The following DNAH14 variants were observed in gnomAD, a reference collection of about 807,000 sequenced individuals.
DNAH14 encodes the protein axonemal beta dynein heavy chain 14.
In DNAH14, 478 loss-of-function variants were observed where a neutral mutation model predicts 520.9. The observed-to-expected ratio is 0.92, with a 90% CI of 0.85 to 0.99. DNAH14 has a LOEUF of 0.99. Ranked by LOEUF, DNAH14 falls within the 50% of genes least tolerant of loss-of-function variation. The probability of loss-of-function intolerance (pLI) is 0.00; values close to 1 mark genes in which losing one functional copy is unlikely to be tolerated. For synonymous variants in DNAH14, 1,581 were observed against 1,757.2 expected (o/e 0.90, Z 2.51); for missense variants, 4,831 against 5,234.5 (o/e 0.92, Z 2.38).
At chr1:225,197,058 ATTTATC>A (rs1165284204) in intron 38 of DNAH14, among the ~76,000 whole-genome samples, 1 of 152,066 alleles carries the variant, frequency 6.6e-6, no homozygotes, top group African/African-American at 2.4e-5. Context: ...AGTCCCAGCT[ATTTATC>A]TTTGTTTTTG....
intron 71 of DNAH14, among the ~76,000 whole-genome samples, chr1:225,350,682 C>T (rs1462472778): frequency 6.6e-6 from 1 of 151,528 alleles, no homozygotes; most frequent in Non-Finnish European, 1.5e-5. Flanking sequence ...TGTAGTCTAC[C>T]GAGACTGAAT....
chr1:225,200,915 G>T (rs1485609563), intron 38 of DNAH14, among the ~76,000 whole-genome samples: 1 of 151,922 alleles, frequency 6.6e-6, no homozygotes, highest in Non-Finnish European at 1.5e-5. Flanking sequence ...TAGTAAGGCT[G>T]GTGAAGTTTT....
intron 43 of DNAH14, 99 bp downstream of exon 43, chr1:225,240,921 AAGATTG>A: frequency 1.1e-6 from 1 of 933,922 alleles, no homozygotes; most frequent in African/African-American, 1.7e-5. Context: ...TTAAAATGTT[AAGATTG>A]AAGGAAAAAG....
At chr1:225,295,862 A>G (rs1167231582) in intron 55 of DNAH14, among the ~76,000 whole-genome samples, 1 of 152,122 alleles carries the variant, frequency 6.6e-6, no homozygotes, top group African/African-American at 2.4e-5. Context: ...CCCAACTATT[A>G]TTGTATTGGG....
chr1:224,948,437 A>G (rs2059979828), intron 1 of DNAH14, among the ~76,000 whole-genome samples: 1 of 151,520 alleles, frequency 6.6e-6, no homozygotes, highest in Admixed American at 6.6e-5. Flanking sequence ...TCTTTCCTGT[A>G]CTTGCATCCT....
chr1:225,080,166 A>G (rs2072948105), intron 18 of DNAH14, among the ~76,000 whole-genome samples: 2 of 152,220 alleles, frequency 1.3e-5, no homozygotes, highest in Admixed American at 1.3e-4. Context: ...GAGACTGCCA[A>G]ATGGGCTCAT....
At chr1:225,363,954 T>G (rs1258987808) in intron 75 of DNAH14, among the ~76,000 whole-genome samples, 1 of 152,186 alleles carries the variant, frequency 6.6e-6, no homozygotes, top group Non-Finnish European at 1.5e-5. Context: ...ATATTTTCAA[T>G]GTGAGGCTGG....
At chr1:225,127,198 G>A (rs1231333785) in intron 27 of DNAH14, among the ~76,000 whole-genome samples, 2 of 152,118 alleles carry the variant, frequency 1.3e-5, no homozygotes, top group Non-Finnish European at 2.9e-5. Context: ...ATTTGGGGTG[G>A]AGAGTTCTGT....
At chr1:225,257,045 G>A (rs901976769) in intron 44 of DNAH14, among the ~76,000 whole-genome samples, 23 of 152,140 alleles carry the variant, frequency 1.5e-4, no homozygotes, top group African/African-American at 5.1e-4. Flanking sequence ...AGACCCCCAG[G>A]CACTTGTAAC....
At chr1:225,126,746 C>T in intron 27 of DNAH14, among the ~76,000 whole-genome samples, 1 of 152,114 alleles carries the variant, frequency 6.6e-6, no homozygotes, top group East Asian at 1.9e-4. Context: ...TTCCCTTCTG[C>T]AAGCTTTTGA....
In DNAH14 at chr1:225,392,362, C is replaced by A. The variant is rs1182907564; in HGVS notation, c.13402C>A (p.His4468Asn). 5 of 1,552,228 alleles carry A rather than the reference C, an allele frequency of 3.2e-6. No individual in the cohort carries two copies. Among genetic ancestry groups the A allele is most frequent in the Non-Finnish European group, 4.4e-6 (5 of 1,147,150 alleles). Residue 4468 changes from histidine (H) to asparagine (N), a missense_variant, in exon 84 of 86, where the codon CAC becomes AAC. His to Asn is a moderately conservative substitution (Grantham distance 68). Coordinates refer to ENST00000682510, the MANE Select transcript of DNAH14 (RefSeq NM_001367479.1). ...GIAVDALTFT[H>N]HVISNTTDKD... ...CGCTGTGGATGCCCTCACCTTCACCCACCATGTGATTTCCAACACCACTGA... is the reference window on the plus strand; with the variant it reads ...CGCTGTGGATGCCCTCACCTTCACCAACCATGTGATTTCCAACACCACTGA...
intron 8 of DNAH14, among the ~76,000 whole-genome samples, chr1:224,975,356 T>C (rs1207578853): frequency 2.0e-5 from 3 of 151,478 alleles, no homozygotes; most frequent in Admixed American, 1.3e-4. Context: ...CATCTGGTCC[T>C]GGACTCTTTT....
Position 225,398,674 on chromosome 1 carries a change from C to T in DNAH14, c.13638+8C>T. On this transcript the variant is annotated splice_region_variant and intron_variant, in intron 85 of 85. Transcript: ENST00000682510. ...TACTTTTTGCCAACAAAGGTAATCA[C>T]CCTGCTATTATCCTGAAGTCCTAAA... The T allele has an allele frequency of 6.4e-7, 1 of 1,551,490 alleles. No homozygotes were observed. The highest frequency in any genetic ancestry group is 8.7e-7 in the Non-Finnish European group (1 of 1,146,792).
At chr1:225,108,871 C>T (rs1200582204) in intron 23 of DNAH14, among the ~76,000 whole-genome samples, 1 of 152,112 alleles carries the variant, frequency 6.6e-6, no homozygotes, top group African/African-American at 2.4e-5. Context: ...GTGTGAAATC[C>T]ATTTTAATTT....
intron 1 of DNAH14, among the ~76,000 whole-genome samples, chr1:224,949,017 T>C (rs1398252833): frequency 2.0e-5 from 3 of 152,240 alleles, no homozygotes; most frequent in East Asian, 3.8e-4. Flanking sequence ...CTTGGGATCA[T>C]AGTACTTCTT....
intron 52 of DNAH14, 34 bp downstream of exon 52, chr1:225,273,159 G>A (rs1326829735): frequency 1.3e-6 from 2 of 1,527,888 alleles, no homozygotes; most frequent in South Asian, 2.5e-5. Flanking sequence ...TTGGCCGGGT[G>A]TGGTGGCTTA....
chr1:224,962,606 G>A (rs1449567057), intron 4 of DNAH14, among the ~76,000 whole-genome samples: 2 of 152,130 alleles, frequency 1.3e-5, no homozygotes, highest in African/African-American at 2.4e-5. Context: ...CTAGATAAGG[G>A]CATGGTCAGC....
chr1:225,060,008 G>C (rs1312333148), intron 17 of DNAH14, among the ~76,000 whole-genome samples: 1 of 151,460 alleles, frequency 6.6e-6, no homozygotes, highest in Non-Finnish European at 1.5e-5. Flanking sequence ...ATGTGTCTTG[G>C]AGTTGCTCTT....
At position 225,305,227 on chromosome 1, in the gene DNAH14, AG is replaced by A. The variant is rs2094216011; in HGVS notation, c.9005+139del. On this transcript the variant is annotated intron_variant, in intron 58 of 85. Coordinates refer to ENST00000682510, the MANE Select transcript of DNAH14 (RefSeq NM_001367479.1). ...GCCAGAAGCTGCAGAAGATCTTAAA[AG>A]AGATAAGGTTGACATTCCCCCTGTG... 5 of 1,042,708 alleles carry A rather than the reference AG, an allele frequency of 4.8e-6. No homozygotes were observed. In the South Asian group the frequency reaches 7.2e-5, roughly 15 times the overall value. 64.6% of individuals were successfully genotyped at this position (1,042,708 alleles called of 1,614,324 possible).
Sources: allele counts gnomAD v4.1 joint callset (sites outside exome capture counted in the v4.1 genomes callset), GRCh38; gene constraint gnomAD v4.1.1; transcripts MANE v1.5; gene names NCBI Gene and HGNC (gene_info 2026-07-23, HGNC 2026-07-21).